CD96: variants seen among roughly 807,000 people sequenced by gnomAD.
CD96 encodes T-cell surface protein tactile.
Under a neutral mutation model 71.3 loss-of-function variants are expected in CD96, and 70 were observed. That is an observed-to-expected ratio of 0.98 (90% confidence interval 0.81 to 1.20). The LOEUF (loss-of-function observed/expected upper bound fraction) is 1.20, where lower values mean the gene tolerates loss of function less well. Ranked by LOEUF, CD96 falls within the 50% of genes most tolerant of loss-of-function variation. CD96 has a pLI of 0.00. For synonymous variants in CD96, 248 were observed against 233.0 expected, an observed-to-expected ratio of 1.06 and a Z score of -0.59; for missense variants, 742 against 677.5, an observed-to-expected ratio of 1.10 and a Z score of -1.06.
downstream of CD96, chr3:111,665,838 T>G (rs1196332502): frequency 6.6e-6 from 1 of 152,266 alleles, no homozygotes; most frequent in Non-Finnish European, 1.5e-5. Flanking sequence ...CTGCTCATCA[T>G]TCCTACTTGG....
Position 111,600,916 on chromosome 3 carries a change from T to C in CD96, c.1087+2T>C, listed in dbSNP as rs1259503164. 1 of 1,584,422 alleles carries C rather than the reference T, an allele frequency of 6.3e-7. No homozygotes were observed. Among genetic ancestry groups the C allele is most frequent in the Admixed American group, 1.7e-5 (1 of 59,976 alleles). Reference sequence around the variant, plus strand: ...CAGAAAAGATCACTTTTCTCTTAGGTGAGTTGTCTATTTAATAAGATCAAC... The same window carrying C: ...CAGAAAAGATCACTTTTCTCTTAGGCGAGTTGTCTATTTAATAAGATCAAC... On this transcript the variant is annotated splice_donor_variant, in intron 7 of 13. Transcript: ENST00000352690. LOFTEE classifies it high-confidence loss of function.
intron 3 of CD96, among the ~76,000 whole-genome samples, chr3:111,573,169 G>A (rs543111836): frequency 1.3e-5 from 2 of 152,308 alleles, no homozygotes; most frequent in Admixed American, 6.5e-5. Context: ...TGGGACATAA[G>A]CATATAGTCA....
chr3:111,600,871 T>TA lies in CD96; in HGVS notation c.1047dup (p.Val350SerfsTer16). On this transcript the variant is annotated frameshift_variant, in exon 7 of 14. Transcript: ENST00000352690. LOFTEE classifies it high-confidence loss of function. ...TGGCTCTGTCTCCAGTCCCAGGAAA[T>TA]AAAGTGTGGAACATCTCATCAGAAA... 6.2e-7 allele frequency: 1 copy of TA among 1,613,362 alleles called. No individual in the cohort carries two copies. The highest frequency in any genetic ancestry group is 1.1e-5 in the South Asian group (1 of 91,054).
chr3:111,664,041 C>T (rs763042512), intron 14 of CD96, among the ~76,000 whole-genome samples: 9 of 152,168 alleles, frequency 5.9e-5, no homozygotes, highest in South Asian at 4.1e-4. Context: ...TGAGCCACTG[C>T]GCCCAGCCGC....
At chr3:111,615,529 G>A (rs767747983) in intron 8 of CD96, among the ~76,000 whole-genome samples, 1 of 152,168 alleles carries the variant, frequency 6.6e-6, no homozygotes, top group South Asian at 2.1e-4. Flanking sequence ...AATACAGTAA[G>A]AACCCAAGGT....
At chr3:111,542,895 C>A (rs1464101237) in intron 1 of CD96, among the ~76,000 whole-genome samples, 3 of 152,144 alleles carry the variant, frequency 2.0e-5, no homozygotes, top group East Asian at 1.9e-4. Flanking sequence ...GAGAAGGAAG[C>A]AAGATTAGTT....
chr3:111,605,347 C>G (rs1226683693), intron 7 of CD96, among the ~76,000 whole-genome samples: 1 of 152,014 alleles, frequency 6.6e-6, no homozygotes, highest in East Asian at 1.9e-4. Context: ...ATCAAGAAGT[C>G]CCAGAAGTCA....
Position 111,542,253 on chromosome 3 carries a change from A to AG in CD96, c.6dup (p.Lys3GlufsTer38), listed in dbSNP as rs752956934. Reference sequence around the variant, plus strand: ...GTGTAAGGTGTTCAGAAGACAATGGAGAAAAAATGGAAATACTGTGCTGTC... The same window carrying AG: ...GTGTAAGGTGTTCAGAAGACAATGGAGGAAAAAATGGAAATACTGTGCTGTC... On this transcript the variant is annotated frameshift_variant, in exon 1 of 14. Coordinates refer to ENST00000352690, the MANE Select transcript of CD96 (RefSeq NM_005816.5). LOFTEE classifies it high-confidence loss of function. 17 of 1,613,142 alleles carry AG rather than the reference A, an allele frequency of 1.1e-5. No individual in the cohort carries two copies. The highest frequency in any genetic ancestry group is 1.4e-5 in the Non-Finnish European group (17 of 1,179,092).
chr3:111,648,424 G>T (rs1364992361), intron 13 of CD96, among the ~76,000 whole-genome samples: 1 of 152,138 alleles, frequency 6.6e-6, no homozygotes. Context: ...ACCACATACA[G>T]GGAGTGGTGA....
At chr3:111,543,972 T>G (rs987644027) in intron 1 of CD96, among the ~76,000 whole-genome samples, 1 of 152,158 alleles carries the variant, frequency 6.6e-6, no homozygotes, top group African/African-American at 2.4e-5. Context: ...TGGGCATGAG[T>G]CTGCTGTGGG....
rs559590305 is a variant in CD96 at position 111,555,369 on chromosome 3, C to A, written c.418+9967C>A. Among the ~76,000 whole-genome samples, 11 of 152,380 alleles carry A rather than the reference C, an allele frequency of 7.2e-5. No homozygotes were observed. In the South Asian group the frequency reaches 2.3e-3, roughly 32 times the overall value. ...TTGGAGTTACTGTTTGTTGTCATTTCTTTTCAGCCTGAAGGACTTTAGTAT... is the reference window on the plus strand; with the variant it reads ...TTGGAGTTACTGTTTGTTGTCATTTATTTTCAGCCTGAAGGACTTTAGTAT... On this transcript the variant is annotated intron_variant, in intron 2 of 13. Transcript: ENST00000352690.
intron 4 of CD96, among the ~76,000 whole-genome samples, chr3:111,583,553 CT>C (rs1936567745): frequency 6.6e-6 from 1 of 152,242 alleles, no homozygotes; most frequent in South Asian, 2.1e-4. Flanking sequence ...TTGCAGCAAA[CT>C]TTTGCTGGGT....
intron 10 of CD96, among the ~76,000 whole-genome samples, chr3:111,626,445 T>G (rs898981207): frequency 6.6e-6 from 1 of 152,086 alleles, no homozygotes; most frequent in Admixed American, 6.5e-5. Flanking sequence ...AACTATTGAA[T>G]AGGATTTATC....
intron 12 of CD96, among the ~76,000 whole-genome samples, chr3:111,647,236 AAAAG>A (rs577455021): frequency 6.6e-4 from 100 of 152,266 alleles, no homozygotes; most frequent in African/African-American, 2.4e-3. Context: ...ATAGTGAAAA[AAAAG>A]AAAAAGAAAT....
At chr3:111,600,534 A>C (rs1429206542) in intron 6 of CD96, among the ~76,000 whole-genome samples, 192 bp from the exon 7 acceptor site, 2 of 152,238 alleles carry the variant, frequency 1.3e-5, no homozygotes, top group African/African-American at 4.8e-5. Flanking sequence ...TGGATCAATG[A>C]CATGCAGGAG....
At chr3:111,577,363 G>A (rs1295769515) in intron 3 of CD96, 1 of 756,448 alleles carries the variant, frequency 1.3e-6, no homozygotes, top group Non-Finnish European at 2.4e-6. Flanking sequence ...CTTAATTATT[G>A]ACCTCCAGAC....
chr3:111,567,725 T>C (rs1935787486), intron 3 of CD96, 78 bp downstream of exon 3: 2 of 1,280,878 alleles, frequency 1.6e-6, no homozygotes, highest in Admixed American at 3.4e-5. Context: ...GCAGTAATAA[T>C]AGGGAAGGAA....
At position 111,624,347 on chromosome 3, in the gene CD96, A is replaced by C. The variant is rs770056539; in HGVS notation, c.1264A>C (p.Met422Leu). The C allele has an allele frequency of 3.4e-5, 54 of 1,610,538 alleles. No homozygotes were observed. The highest frequency in any genetic ancestry group is 4.2e-5 in the Non-Finnish European group (50 of 1,176,836). The change falls in exon 10 of 14, where the codon ATG (methionine) becomes CTG (leucine). Residue 422 changes from methionine (M) to leucine (L), a missense_variant. By Grantham distance (15) the Met-to-Leu change is conservative. Coordinates refer to ENST00000352690, the MANE Select transcript of CD96 (RefSeq NM_005816.5). Reference protein sequence around the residue: ...NTTPQPSNSSMTTRGFNYPWT... With the variant: ...NTTPQPSNSSLTTRGFNYPWT... ...TTGTCTTTCAGCCAGCAATTCCAGT[A>C]TGACTACCCGAGGCTTCAACTATCC...
intron 8 of CD96, among the ~76,000 whole-genome samples, chr3:111,617,458 C>T (rs977035523): frequency 3.9e-5 from 6 of 152,294 alleles, no homozygotes; most frequent in African/African-American, 1.4e-4. Flanking sequence ...CCATGAAAAA[C>T]CGGGGATTCA....
Sources: allele counts gnomAD v4.1 joint callset (sites outside exome capture counted in the v4.1 genomes callset), GRCh38; gene constraint gnomAD v4.1.1; transcripts MANE v1.5; gene names NCBI Gene and HGNC (gene_info 2026-07-23, HGNC 2026-07-21).